Variants in EML5 observed in about 807,000 individuals in gnomAD.
EML5 encodes EMAP like 5, also known as echinoderm microtubule-associated protein-like 5.
In EML5, 120 loss-of-function variants were observed where a neutral mutation model predicts 250.0. The observed-to-expected ratio is 0.48, with a 90% CI of 0.41 to 0.56. The LOEUF (loss-of-function observed/expected upper bound fraction) is 0.56, where lower values mean the gene tolerates loss of function less well. EML5 is among the 20% of genes least tolerant of loss of function. The pLI is 0.00. For synonymous variants in EML5, 771 were observed against 806.5 expected (o/e 0.96, Z 0.75); for missense variants, 2,006 against 2,437.6 (o/e 0.82, Z 3.73).
chr14:88,675,455 TATGG>T (rs1438020014), intron 21 of EML5, among the ~76,000 whole-genome samples: 2 of 152,190 alleles, frequency 1.3e-5, no homozygotes, highest in African/African-American at 4.8e-5. Context: ...CCCTTTTAGC[TATGG>T]ATGGAGCTGC....
intron 1 of EML5, among the ~76,000 whole-genome samples, chr14:88,773,479 G>A (rs900859958): frequency 7.9e-5 from 12 of 152,212 alleles, no homozygotes; most frequent in Non-Finnish European, 1.5e-4. Flanking sequence ...AATAGTAAAT[G>A]AGTGGATTTG....
At chr14:88,621,929 C>G (rs2089035974) in intron 37 of EML5, 1 of 455,198 alleles carries the variant, frequency 2.2e-6, no homozygotes, top group African/African-American at 2.0e-5. Context: ...ATACGTGATT[C>G]TTAACTATAG....
At chr14:88,672,718 C>T (rs574697168) in intron 21 of EML5, among the ~76,000 whole-genome samples, 7 of 152,240 alleles carry the variant, frequency 4.6e-5, no homozygotes. Context: ...CACCACTGAT[C>T]CCACAGAAAT....
chr14:88,725,908 A>C (rs569580041), intron 8 of EML5, among the ~76,000 whole-genome samples: 3 of 152,290 alleles, frequency 2.0e-5, no homozygotes, highest in African/African-American at 7.2e-5. Flanking sequence ...GAACTGTGTT[A>C]ATAGTTTCTG....
chr14:88,668,071 G>C (rs935247078), intron 21 of EML5, among the ~76,000 whole-genome samples: 15 of 152,198 alleles, frequency 9.9e-5, no homozygotes, highest in African/African-American at 3.1e-4. Context: ...AAACAGGTCT[G>C]AATCACCTTT....
chr14:88,702,651 C>A lies in EML5; in HGVS notation c.2052-19G>T. 1.1e-5 allele frequency: 17 copies of A among 1,495,704 alleles called. No homozygotes were observed. Among genetic ancestry groups the A allele is most frequent in the South Asian group, 4.0e-5 (3 of 75,768 alleles). 92.7% of individuals were successfully genotyped at this position (1,495,704 alleles called of 1,614,324 possible). A position where few individuals can be genotyped will look rare whatever the true frequency, so the allele number is the denominator to read the frequency against. On this transcript the variant is annotated intron_variant, in intron 13 of 43. Coordinates refer to ENST00000554922, the MANE Select transcript of EML5 (RefSeq NM_183387.3). ...TCTGTAACTAATATAGAAAACAAAT[C>A]ATATATAATTAATTTTGGCCTTTTA...
At chr14:88,648,820 A>C (rs1298662741) in intron 28 of EML5, among the ~76,000 whole-genome samples, 1 of 152,088 alleles carries the variant, frequency 6.6e-6, no homozygotes, top group Non-Finnish European at 1.5e-5. Context: ...TTCTGGTAAA[A>C]TAGTATAAGA....
At chr14:88,653,795 AT>A (rs2091748757) in intron 27 of EML5, among the ~76,000 whole-genome samples, 3 of 152,266 alleles carry the variant, frequency 2.0e-5, no homozygotes, top group Non-Finnish European at 4.4e-5. Flanking sequence ...TGGTATCAAG[AT>A]GATGCAGACC....
At chr14:88,644,369 G>C in intron 30 of EML5, 64 bp downstream of exon 30, 1 of 1,436,046 alleles carries the variant, frequency 7.0e-7, no homozygotes, top group African/African-American at 1.4e-5. Flanking sequence ...GACAAAACTT[G>C]GGTGTTTTAT....
chr14:88,760,348 T>TTGTC (rs1204229293), intron 1 of EML5, among the ~76,000 whole-genome samples: 2 of 151,454 alleles, frequency 1.3e-5, no homozygotes, highest in Non-Finnish European at 2.9e-5. Flanking sequence ...TTATAGTTGT[T>TTGTC]TGTTTGTTTG....
At chr14:88,754,281 T>A (rs952716268) in intron 2 of EML5, among the ~76,000 whole-genome samples, 1 of 152,142 alleles carries the variant, frequency 6.6e-6, no homozygotes, top group Admixed American at 6.5e-5. Flanking sequence ...TTCCACTGAA[T>A]CAAAATCACT....
chr14:88,758,517 G>A (rs1303005815), intron 1 of EML5, among the ~76,000 whole-genome samples: 1 of 152,108 alleles, frequency 6.6e-6, no homozygotes, highest in Non-Finnish European at 1.5e-5. Context: ...TTAAAAGACA[G>A]AAAATATGAA....
rs138312227 is a variant in EML5 at position 88,753,302 on chromosome 14, G to A, written c.357+1210C>T. ...CACCCTTGTTACAAGTCCTGCAAAG[G>A]GGTCAAGGGAACTCTCTCATCTCAC... On this transcript the variant is annotated intron_variant, in intron 2 of 43. Coordinates refer to ENST00000554922, the MANE Select transcript of EML5 (RefSeq NM_183387.3). Among the ~76,000 whole-genome samples, 3 of 152,140 alleles carry A rather than the reference G, an allele frequency of 2.0e-5. No individual in the cohort carries two copies. The East Asian group carries it at 5.8e-4, about 29-fold the overall frequency.
intron 7 of EML5, 83 bp downstream of exon 7, chr14:88,736,281 G>A (rs2093840040): frequency 6.7e-7 from 1 of 1,494,736 alleles, no homozygotes; most frequent in African/African-American, 1.4e-5. Flanking sequence ...TTACGGGCGT[G>A]AGCCACAGTG....
Position 88,706,378 on chromosome 14 carries a change from A to G in EML5, c.1706T>C (p.Val569Ala). Reference sequence around the variant, plus strand: ...CCACTGATAATCATGTGACCATCTGACATTAGTTACGTGAGCTGAATGGCC... The same window carrying G: ...CCACTGATAATCATGTGACCATCTGGCATTAGTTACGTGAGCTGAATGGCC... ...YIGHSAHVTN[V>A]RWSHDYQWVI... Residue 569 changes from valine to alanine, a missense_variant, in exon 11 of 44, where the codon GTC (valine) becomes GCC (alanine). This residue lies in a region of EML5 where 1,375 missense variants were observed against 1,590.3 expected (regional missense o/e 0.86). Transcript: ENST00000554922. 1 of 1,608,634 alleles carries G rather than the reference A, an allele frequency of 6.2e-7. No individual in the cohort carries two copies.
intron 7 of EML5, among the ~76,000 whole-genome samples, chr14:88,728,891 G>A (rs1248833677): frequency 1.3e-5 from 2 of 151,830 alleles, no homozygotes; most frequent in Non-Finnish European, 2.9e-5. Flanking sequence ...TTAATAAATA[G>A]GCATCTACCC....
At chr14:88,745,434 T>A (rs2093991463) in intron 3 of EML5, among the ~76,000 whole-genome samples, 2 of 152,094 alleles carry the variant, frequency 1.3e-5, no homozygotes, top group Admixed American at 6.6e-5. Context: ...TAATATTTAA[T>A]TAAAAGCTGG....
chr14:88,648,147 C>A (rs751082769), intron 28 of EML5, among the ~76,000 whole-genome samples: 12 of 152,040 alleles, frequency 7.9e-5, no homozygotes, highest in Admixed American at 3.3e-4. Context: ...TCATGAAAGT[C>A]ATTTCATCCA....
In EML5 at chr14:88,638,916, A is replaced by G; in HGVS notation, c.4238-9T>C. On this transcript the variant is annotated splice_polypyrimidine_tract_variant and intron_variant, in intron 31 of 43. Coordinates refer to ENST00000554922, the MANE Select transcript of EML5 (RefSeq NM_183387.3). ...ATAAAAACTCTGAGAACCTACAAAA[A>G]AGAATTTGAGAATTAAGTTTGAAAA... 6.4e-7 allele frequency: 1 copy of G among 1,551,352 alleles called. No homozygotes were observed. The highest frequency in any genetic ancestry group is 8.7e-7 in the Non-Finnish European group (1 of 1,149,792).
Sources: allele counts gnomAD v4.1 joint callset (sites outside exome capture counted in the v4.1 genomes callset), GRCh38; gene constraint gnomAD v4.1.1; regional missense constraint gnomAD v4.1.1; transcripts MANE v1.5; gene names NCBI Gene and HGNC (gene_info 2026-07-23, HGNC 2026-07-21).